PTGR2: variants seen among roughly 807,000 people sequenced by gnomAD.
PTGR2 encodes the protein prostaglandin reductase 2.
Under a neutral mutation model 43.4 loss-of-function variants are expected in PTGR2, and 32 were observed. That is an observed-to-expected ratio of 0.74 (90% CI 0.56 to 0.99). The LOEUF is 0.99. Among genes scored for constraint, PTGR2 ranks in the 50% least tolerant of loss-of-function variants. The probability of loss-of-function intolerance (pLI) is 0.00; values close to 1 mark genes in which losing one functional copy is unlikely to be tolerated. For synonymous variants in PTGR2, 106 were observed against 139.2 expected, an observed-to-expected ratio of 0.76 and a Z score of 1.68; for missense variants, 373 against 420.0, an observed-to-expected ratio of 0.89 and a Z score of 0.98.
intron 1 of PTGR2, among the ~76,000 whole-genome samples, chr14:73,853,415 C>T (rs1004766651): frequency 6.6e-6 from 1 of 151,660 alleles, no homozygotes; most frequent in African/African-American, 2.4e-5. Flanking sequence ...CTCCACCTCC[C>T]GGTTTAAAGC....
In PTGR2 at chr14:73,874,056, T is replaced by C; in HGVS notation, c.190T>C (p.Tyr64His). 6.2e-7 allele frequency: 1 copy of C among 1,611,968 alleles called. No individual in the cohort carries two copies. The highest frequency in any genetic ancestry group is 8.5e-7 in the Non-Finnish European group (1 of 1,179,370). ...CRMNEDTGTD[Y>H]ITPWQLSQVV... Reference sequence around the variant, plus strand: ...AATGAATGAAGACACTGGCACTGATTATATAACACCTTGGCAGCTATCTCA... The same window carrying C: ...AATGAATGAAGACACTGGCACTGATCATATAACACCTTGGCAGCTATCTCA... Residue 64 changes from tyrosine to histidine, a missense_variant, in exon 4 of 10, where the codon TAT (tyrosine) becomes CAT (histidine). Physicochemically the swap from Tyr to His is moderately conservative, Grantham distance 83. Coordinates refer to ENST00000555661, the MANE Select transcript of PTGR2 (RefSeq NM_001146154.2).
At chr14:73,883,269 T>A (rs973732158) in intron 9 of PTGR2, among the ~76,000 whole-genome samples, 3 of 140,164 alleles carry the variant, frequency 2.1e-5, no homozygotes. Context: ...AGTGGCATGA[T>A]CATAGCTAAC....
chr14:73,863,926 TAAG>T (rs1359910524), intron 3 of PTGR2, among the ~76,000 whole-genome samples: 1 of 152,134 alleles, frequency 6.6e-6, no homozygotes, highest in East Asian at 1.9e-4. Flanking sequence ...GACTCATATC[TAAG>T]AAGGCTTTTC....
chr14:73,873,550 C>T (rs1206670482), intron 3 of PTGR2, among the ~76,000 whole-genome samples: 1 of 151,554 alleles, frequency 6.6e-6, no homozygotes, highest in Non-Finnish European at 1.5e-5. Flanking sequence ...CTGCAACCTC[C>T]ACCTCCCGAG....
intron 3 of PTGR2, among the ~76,000 whole-genome samples, chr14:73,871,291 C>T (rs1012290429): frequency 6.7e-6 from 1 of 148,554 alleles, no homozygotes; most frequent in Non-Finnish European, 1.5e-5. Context: ...AAACTCCACG[C>T]CTTTTCCCAT....
rs1172478182 is a variant in PTGR2 at position 73,876,599 on chromosome 14, C to G, written c.349-399C>G. Among the ~76,000 whole-genome samples, 3 of 151,350 alleles carry G rather than the reference C, an allele frequency of 2.0e-5. No homozygotes were observed. In the East Asian group the frequency reaches 5.8e-4, roughly 29 times the overall value. On this transcript the variant is annotated intron_variant, in intron 4 of 9. Transcript: ENST00000555661. ...CAAGCGATTCTCCTGCCTCAGCCTC[C>G]TGAGTAGCTGGGATTACAGGCGCAT...
At chr14:73,881,993 G>A (rs1370913889) in intron 8 of PTGR2, among the ~76,000 whole-genome samples, 1 of 151,878 alleles carries the variant, frequency 6.6e-6, no homozygotes, top group Non-Finnish European at 1.5e-5. Flanking sequence ...ATGTTGGCCA[G>A]GCTGGTCTCA....
intron 9 of PTGR2, among the ~76,000 whole-genome samples, chr14:73,883,125 C>G (rs1320779365): frequency 7.3e-6 from 1 of 137,646 alleles, no homozygotes; most frequent in Non-Finnish European, 1.6e-5. Flanking sequence ...AGGCCAAAGT[C>G]TTTTATCTTT....
intron 3 of PTGR2, among the ~76,000 whole-genome samples, chr14:73,869,646 T>C (rs2054680033): frequency 6.6e-6 from 1 of 152,100 alleles, no homozygotes; most frequent in Non-Finnish European, 1.5e-5. Flanking sequence ...AGCATAATGT[T>C]TATTAAATGT....
At chr14:73,882,800 CTTTTTTTTTTTTTTTTTTT>C (rs35651032) in intron 9 of PTGR2, among the ~76,000 whole-genome samples, 11 of 41,828 alleles carry the variant, frequency 2.6e-4, no homozygotes, top group Middle Eastern at 0.018. Context: ...ACGCCTGGCC[CTTTTTTTTTTTTTTTTTTT>C]TTTTTTTTTT....
chr14:73,881,149 T>G (rs2054977961), intron 7 of PTGR2, 56 bp from the exon 8 acceptor site: 1 of 1,049,376 alleles, frequency 9.5e-7, no homozygotes, highest in Non-Finnish European at 1.5e-6. Flanking sequence ...GGTTTGATCT[T>G]GGAATACCAC....
intron 1 of PTGR2, among the ~76,000 whole-genome samples, chr14:73,855,824 G>A (rs372335275): frequency 3.2e-4 from 48 of 150,888 alleles, no homozygotes; most frequent in African/African-American, 1.1e-3. Flanking sequence ...TTGGGAGGCC[G>A]AGGCGGGTGG....
intron 2 of PTGR2, 66 bp from the exon 3 acceptor site, chr14:73,860,473 T>C (rs1295929745): frequency 1.4e-6 from 1 of 728,928 alleles, no homozygotes; most frequent in African/African-American, 1.9e-5. Flanking sequence ...TCTCAAATAA[T>C]AATAATAATA....
chr14:73,854,223 C>T (rs1009406962), intron 1 of PTGR2, among the ~76,000 whole-genome samples: 3 of 152,038 alleles, frequency 2.0e-5, no homozygotes, highest in Non-Finnish European at 2.9e-5. Flanking sequence ...CTGCCTCAGC[C>T]TCCGGAGTAG....
chr14:73,856,529 G>T (rs1446323682), intron 1 of PTGR2, among the ~76,000 whole-genome samples: 1 of 152,148 alleles, frequency 6.6e-6, no homozygotes, highest in Non-Finnish European at 1.5e-5. Flanking sequence ...GGGATTACAA[G>T]GGTGAGCCAC....
chr14:73,858,786 C>G (rs982794763), intron 1 of PTGR2, 30 bp from the exon 2 acceptor site: 197 of 1,123,652 alleles, frequency 1.8e-4, no homozygotes, highest in South Asian at 5.0e-4. Context: ...TACTTCAAAT[C>G]TTGTGATTTA....
At chr14:73,876,310 C>T (rs2054863649) in intron 4 of PTGR2, among the ~76,000 whole-genome samples, 1 of 151,970 alleles carries the variant, frequency 6.6e-6, no homozygotes, top group Non-Finnish European at 1.5e-5. Flanking sequence ...TATTTTCTCA[C>T]AGTTCTGGAA....
rs777810440 is a variant in PTGR2, at chr14:73,858,893, C to T, written c.31C>T (p.Arg11Ter). The T allele has an allele frequency of 1.8e-5, 29 of 1,610,870 alleles. No individual in the cohort carries two copies. Among genetic ancestry groups the T allele is most frequent in the Admixed American group, 1.5e-4 (9 of 59,936 alleles). ...TGTTCAAAGAGTGGTATTGAATTCT[C>T]GACCTGGTATGTATTTGCGATGAAT... MIVQRVVLNS[R>*]PGKNGNPVAE... The change falls in exon 2 of 10, where the codon CGA becomes TGA. Residue 11 changes from arginine (R) to a stop codon, truncating the protein, a stop_gained. Transcript: ENST00000555661. LOFTEE classifies it high-confidence loss of function.
In PTGR2 at chr14:73,884,290, T is replaced by C; in HGVS notation, c.*113T>C. 2 of 650,880 alleles carry C rather than the reference T, an allele frequency of 3.1e-6. No individual in the cohort carries two copies. Among genetic ancestry groups the C allele is most frequent in the African/African-American group, 1.9e-5 (1 of 53,692 alleles). The allele number at this position is 650,880 out of a possible 1,614,324, so 40.3% of individuals were successfully genotyped here. A position where few individuals can be genotyped will look rare whatever the true frequency, so the allele number is the denominator to read the frequency against. ...ATAGCTCTTGATTTAAATGTGATCA[T>C]AGGTGTTATTTTTAGTTGCATAGGG... On this transcript the variant is annotated 3_prime_UTR_variant, in exon 10 of 10. Transcript: ENST00000555661.
Sources: allele counts gnomAD v4.1 joint callset (sites outside exome capture counted in the v4.1 genomes callset), GRCh38; gene constraint gnomAD v4.1.1; transcripts MANE v1.5; gene names NCBI Gene and HGNC (gene_info 2026-07-23, HGNC 2026-07-21).